FHIT: variants seen among roughly 807,000 people sequenced by gnomAD.
The protein encoded by FHIT is bis(5'-adenosyl)-triphosphatase.
A neutral mutation model predicts 17.9 loss-of-function variants in FHIT; 19 were observed. That is an observed-to-expected ratio of 1.06 (90% CI 0.74 to 1.56). FHIT has a LOEUF of 1.56. FHIT is among the 40% of genes most tolerant of loss of function. The probability of loss-of-function intolerance (pLI) is 0.00; values close to 1 mark genes in which losing one functional copy is unlikely to be tolerated. For synonymous variants in FHIT, 81 were observed against 69.7 expected, an observed-to-expected ratio of 1.16 and a Z score of -0.81; for missense variants, 248 against 189.2, an observed-to-expected ratio of 1.31 and a Z score of -1.82.
intron 2 of FHIT, among the ~76,000 whole-genome samples, chr3:61,122,464 A>G (rs1032805980): frequency 6.6e-6 from 1 of 152,208 alleles, no homozygotes; most frequent in Non-Finnish European, 1.5e-5. Flanking sequence ...TCATGACTAA[A>G]ACACTAAAAG....
At chr3:59,774,578 T>C (rs1702219620) in intron 8 of FHIT, among the ~76,000 whole-genome samples, 1 of 152,226 alleles carries the variant, frequency 6.6e-6, no homozygotes, top group African/African-American at 2.4e-5. Flanking sequence ...CCATAGTAGG[T>C]TCTCAATAAA....
rs754046097 is a variant in FHIT, at chr3:60,027,108, GACACACAC to G, written c.104-12964_104-12957del. On this transcript the variant is annotated intron_variant, in intron 5 of 9. Transcript: ENST00000492590. ...AGTGAGTAAGACTGTTTCACACACAGACACACACACACACACACACACACACACACACA... is the reference window on the plus strand; with the variant it reads ...AGTGAGTAAGACTGTTTCACACACAGACACACACACACACACACACACACA... 2.6e-3 allele frequency among the ~76,000 whole-genome samples: 233 copies of G among 88,088 alleles called. 4 individuals carry two copies. Among genetic ancestry groups the G allele is most frequent in the South Asian group, 0.011 (27 of 2,372 alleles). The allele number at this position is 88,088 out of a possible 152,430, so 57.8% of individuals were successfully genotyped here.
At chr3:59,976,219 C>A (rs1182046473) in intron 7 of FHIT, among the ~76,000 whole-genome samples, 3 of 152,064 alleles carry the variant, frequency 2.0e-5, no homozygotes, top group Admixed American at 2.0e-4. Context: ...TAGCATTCAA[C>A]CTGGCTGAGC....
chr3:60,788,238 C>G (rs1700651945), intron 4 of FHIT, among the ~76,000 whole-genome samples: 2 of 152,036 alleles, frequency 1.3e-5, no homozygotes, highest in South Asian at 4.2e-4. Context: ...CTGCAGTGCA[C>G]TATGATTGCA....
At chr3:60,748,189 A>G (rs2042395460) in intron 4 of FHIT, among the ~76,000 whole-genome samples, 1 of 152,182 alleles carries the variant, frequency 6.6e-6, no homozygotes, top group Non-Finnish European at 1.5e-5. Flanking sequence ...AACTGGAAAG[A>G]TAAGAAGGAA....
intron 5 of FHIT, among the ~76,000 whole-genome samples, chr3:60,431,412 G>A (rs760048260): frequency 1.2e-4 from 18 of 151,976 alleles, no homozygotes; most frequent in Admixed American, 2.6e-4. Context: ...ACTCTTATCC[G>A]TAGAATCAAT....
intron 5 of FHIT, among the ~76,000 whole-genome samples, chr3:60,164,754 C>T (rs1254599031): frequency 6.6e-6 from 1 of 152,062 alleles, no homozygotes; most frequent in African/African-American, 2.4e-5. Flanking sequence ...TTTCTCCACC[C>T]TCACTCCTAG....
chr3:61,138,285 G>C (rs1290586012), intron 2 of FHIT, among the ~76,000 whole-genome samples: 1 of 152,160 alleles, frequency 6.6e-6, no homozygotes, highest in Non-Finnish European at 1.5e-5. Context: ...CTGAGCCACA[G>C]CCTGGGAGCC....
At chr3:61,039,286 G>T (rs939180796) in intron 3 of FHIT, among the ~76,000 whole-genome samples, 2 of 152,026 alleles carry the variant, frequency 1.3e-5, no homozygotes, top group Non-Finnish European at 2.9e-5. Context: ...TAAGAAACAT[G>T]AACGTTTTAT....
At chr3:60,869,722 T>C (rs1704321749) in intron 3 of FHIT, among the ~76,000 whole-genome samples, 1 of 152,102 alleles carries the variant, frequency 6.6e-6, no homozygotes, top group Non-Finnish European at 1.5e-5. Context: ...ACATGCTTTC[T>C]AGACTCCACA....
At chr3:60,671,890 C>T (rs2040514719) in intron 4 of FHIT, among the ~76,000 whole-genome samples, 1 of 151,878 alleles carries the variant, frequency 6.6e-6, no homozygotes, top group Non-Finnish European at 1.5e-5. Flanking sequence ...AAGAAGATTG[C>T]AGGGAGCTGA....
chr3:60,560,713 T>C (rs1195210931), intron 4 of FHIT, among the ~76,000 whole-genome samples: 3 of 151,526 alleles, frequency 2.0e-5, no homozygotes, highest in South Asian at 2.1e-4. Flanking sequence ...GAGGACAGAA[T>C]AGAGCCGGTC....
intron 5 of FHIT, among the ~76,000 whole-genome samples, chr3:60,311,862 A>C (rs868668271): frequency 7.9e-5 from 12 of 152,320 alleles, no homozygotes; most frequent in Admixed American, 5.2e-4. Flanking sequence ...GTTCAAGCTA[A>C]CAGATATTTG....
At chr3:61,074,373 T>C (rs753815999) in intron 2 of FHIT, among the ~76,000 whole-genome samples, 2 of 152,224 alleles carry the variant, frequency 1.3e-5, no homozygotes, top group Non-Finnish European at 2.9e-5. Flanking sequence ...ATACAAATTG[T>C]GCACCTACTG....
intron 5 of FHIT, among the ~76,000 whole-genome samples, chr3:60,512,907 GA>G: frequency 6.6e-6 from 1 of 152,174 alleles, no homozygotes; most frequent in East Asian, 1.9e-4. Flanking sequence ...ATTAATTTAT[GA>G]ATAACCAAAA....
At chr3:60,584,580 G>A (rs969297694) in intron 4 of FHIT, among the ~76,000 whole-genome samples, 3 of 151,936 alleles carry the variant, frequency 2.0e-5, no homozygotes, top group Admixed American at 6.6e-5. Context: ...TGGTCAACTG[G>A]AGACTAAGGA....
intron 5 of FHIT, among the ~76,000 whole-genome samples, chr3:60,347,929 T>G (rs1393911960): frequency 6.6e-6 from 1 of 152,060 alleles, no homozygotes; most frequent in Non-Finnish European, 1.5e-5. Context: ...CGGCTAATTT[T>G]TGCATTTTTA....
At chr3:60,335,685 T>C (rs547190701) in intron 5 of FHIT, among the ~76,000 whole-genome samples, 11 of 152,246 alleles carry the variant, frequency 7.2e-5, no homozygotes, top group Admixed American at 4.6e-4. Flanking sequence ...CACAAAAAAG[T>C]AACACAAAAA....
At chr3:60,068,696 A>G (rs1272512289) in intron 5 of FHIT, among the ~76,000 whole-genome samples, 1 of 152,222 alleles carries the variant, frequency 6.6e-6, no homozygotes, top group Non-Finnish European at 1.5e-5. Flanking sequence ...AAATTTCACA[A>G]TTAAAGTCTC....
Sources: gnomAD v4.1 joint callset for allele counts (sites outside exome capture counted in the v4.1 genomes callset) on GRCh38, gnomAD v4.1.1 for gene constraint, MANE v1.5 for transcripts, NCBI Gene and HGNC (gene_info 2026-07-23, HGNC 2026-07-21) for gene names.